Variants in ADGRF5 observed in about 807,000 individuals in gnomAD.
ADGRF5 encodes the protein G-protein coupled receptor 116.
ADGRF5 carries 75 observed loss-of-function variants against 132.3 expected under a neutral mutation model. The ratio of observed to expected loss-of-function variants is 0.57; its 90% CI spans 0.47 to 0.69. The LOEUF (loss-of-function observed/expected upper bound fraction) is 0.69, where lower values mean the gene tolerates loss of function less well. ADGRF5 is among the 30% of genes least tolerant of loss of function. The pLI, the probability that ADGRF5 is intolerant of heterozygous loss-of-function variation, is 0.00. For missense variants in ADGRF5, 1,516 were observed against 1,630.6 expected, an observed-to-expected ratio of 0.93 and a Z score of 1.21; for synonymous variants, 629 against 597.6, an observed-to-expected ratio of 1.05 and a Z score of -0.77.
At chr6:46,908,569 A>G (rs1463347630) in intron 1 of ADGRF5, among the ~76,000 whole-genome samples, 10 of 152,156 alleles carry the variant, frequency 6.6e-5, no homozygotes, top group African/African-American at 2.4e-4. Context: ...TTGGCATTGC[A>G]TCCTTTTTTT....
chr6:46,876,229 C>T (rs1386625079), intron 10 of ADGRF5, among the ~76,000 whole-genome samples: 1 of 152,206 alleles, frequency 6.6e-6, no homozygotes, highest in Non-Finnish European at 1.5e-5. Context: ...CGGTGCAGGT[C>T]CCCAGGCTGC....
chr6:46,877,810 G>A (rs549969492), intron 10 of ADGRF5, among the ~76,000 whole-genome samples: 12 of 152,304 alleles, frequency 7.9e-5, no homozygotes, highest in South Asian at 6.2e-4. Flanking sequence ...AAGAGACACA[G>A]AAAGGAGAAG....
intron 1 of ADGRF5, among the ~76,000 whole-genome samples, chr6:46,932,361 T>A (rs1777591620): frequency 6.6e-6 from 1 of 152,210 alleles, no homozygotes; most frequent in Admixed American, 6.5e-5. Flanking sequence ...TTAGTACTTT[T>A]AAAATAAGTA....
At chr6:46,951,677 G>A (rs1778504694) in intron 1 of ADGRF5, among the ~76,000 whole-genome samples, 1 of 152,166 alleles carries the variant, frequency 6.6e-6, no homozygotes. Flanking sequence ...TTTCCTGGCT[G>A]CTTTCCTAAA....
chr6:46,926,215 C>G (rs1024320051), upstream of ADGRF5, among the ~76,000 whole-genome samples: 4 of 152,172 alleles, frequency 2.6e-5, no homozygotes, highest in African/African-American at 9.7e-5. Flanking sequence ...CCCATTCCAC[C>G]AATAGACAGT....
At chr6:46,900,580 C>A (rs1774654731) in intron 2 of ADGRF5, among the ~76,000 whole-genome samples, 1 of 152,064 alleles carries the variant, frequency 6.6e-6, no homozygotes, top group South Asian at 2.1e-4. Flanking sequence ...GATCCTTTTT[C>A]TCCTGGATGG....
intron 15 of ADGRF5, 87 bp from the exon 16 acceptor site, chr6:46,860,981 C>T: frequency 9.9e-7 from 1 of 1,013,496 alleles, no homozygotes; most frequent in African/African-American, 1.6e-5. Context: ...CAAAATCTCT[C>T]ACATCCGTTG....
intron 3 of ADGRF5, 114 bp downstream of exon 3, chr6:46,899,915 T>C (rs1774575047): frequency 1.3e-6 from 1 of 758,944 alleles, no homozygotes; most frequent in South Asian, 1.5e-5. Flanking sequence ...CTGCACTATA[T>C]GACCCTGATG....
intron 1 of ADGRF5, among the ~76,000 whole-genome samples, chr6:46,953,649 G>GTATATATATATATA (rs1408461844): frequency 7.7e-5 from 7 of 91,490 alleles, no homozygotes; most frequent in African/African-American, 3.2e-4. Context: ...ATAGATATAT[G>GTATATATATATATA]TGTATATATA....
In ADGRF5 at chr6:46,888,396, A is replaced by G; in HGVS notation, c.267T>C (p.Phe89=). 6.2e-7 allele frequency: 1 copy of G among 1,612,380 alleles called. No individual in the cohort carries two copies. Among genetic ancestry groups the G allele is most frequent in the East Asian group, 2.2e-5 (1 of 44,860 alleles). The part of the protein sequence containing the change: ...PIKAYLNSLS[F]PIHGNNTDQI... The stretch of plus-strand genomic sequence containing the variant: ...GGTCAGTGTTATTCCCATGAATTGG[A>G]AAACTGAGGCTGTTCAAGTAGGCTT... Residue 89 remains phenylalanine, a synonymous_variant, in exon 4 of 21, where the codon TTT becomes TTC. Coordinates refer to ENST00000283296, the MANE Select transcript of ADGRF5 (RefSeq NM_001098518.2).
At position 46,881,559 on chromosome 6, in the gene ADGRF5, G is replaced by A. The variant is rs942667941; in HGVS notation, c.710C>T (p.Thr237Ile). The A allele has an allele frequency of 3.1e-6, 5 of 1,613,558 alleles. No individual in the cohort carries two copies. Among genetic ancestry groups the A allele is most frequent in the African/African-American group, 2.7e-5 (2 of 74,922 alleles). ...SVVVTYEVKT[T>I]PPSLELIHKA... ...ATGTATTAACTCAAGTGATGGTGGTGTAGTCTTGACTTCATATGTCACAAC... is the reference window on the plus strand; with the variant it reads ...ATGTATTAACTCAAGTGATGGTGGTATAGTCTTGACTTCATATGTCACAAC... The change falls in exon 8 of 21, where the codon ACA becomes ATA. Residue 237 changes from threonine (T) to isoleucine (I), a missense_variant. Transcript: ENST00000283296.
At chr6:46,880,470 C>T (rs145207707) in intron 8 of ADGRF5, among the ~76,000 whole-genome samples, 119 of 152,200 alleles carry the variant, frequency 7.8e-4, no homozygotes, top group African/African-American at 2.8e-3. Flanking sequence ...TGACCTAAGT[C>T]TTGAAGGATT....
chr6:46,933,839 A>C (rs556232045), intron 1 of ADGRF5, among the ~76,000 whole-genome samples: 1 of 152,282 alleles, frequency 6.6e-6, no homozygotes, highest in Middle Eastern at 3.4e-3. Context: ...CCACTAAACT[A>C]TTTTTGGATC....
intron 1 of ADGRF5, among the ~76,000 whole-genome samples, chr6:46,947,476 G>C (rs998725447): frequency 6.6e-6 from 1 of 152,148 alleles, no homozygotes; most frequent in Admixed American, 6.5e-5. Flanking sequence ...GCACATCTGC[G>C]GGTGCACACC....
chr6:46,908,157 G>T (rs540199386), intron 1 of ADGRF5: 2 of 152,262 alleles, frequency 1.3e-5, no homozygotes, highest in Admixed American at 1.3e-4. Flanking sequence ...TGCAAATTTG[G>T]CAATCAAACA....
intron 1 of ADGRF5, among the ~76,000 whole-genome samples, chr6:46,914,578 CA>C (rs1353882568): frequency 6.6e-6 from 1 of 152,122 alleles, no homozygotes; most frequent in Non-Finnish European, 1.5e-5. Flanking sequence ...TCAAGTTTTC[CA>C]AAACACACTG....
chr6:46,936,532 ATC>A (rs1418976666), intron 1 of ADGRF5, among the ~76,000 whole-genome samples: 1 of 152,172 alleles, frequency 6.6e-6, no homozygotes, highest in Non-Finnish European at 1.5e-5. Flanking sequence ...ATCTTTCGAC[ATC>A]TCTCTCTTTC....
Position 46,856,888 on chromosome 6 carries a change from A to G in ADGRF5, c.3795T>C (p.Phe1265=). 2 of 1,609,786 alleles carry G rather than the reference A, an allele frequency of 1.2e-6. No homozygotes were observed. Among genetic ancestry groups the G allele is most frequent in the East Asian group, 4.5e-5 (2 of 44,836 alleles). The stretch of plus-strand genomic sequence containing the variant: ...TTACCTTCAGATCCCAGAGGCATCC[A>G]AAGAGTAAAATGAATAATCCCTGAG... The part of the protein sequence containing the change: ...NVFQGLFILL[F]GCLWDLKVQE... Residue 1265 remains phenylalanine (F), a synonymous_variant, in exon 18 of 21, where the codon TTT becomes TTC. Transcript: ENST00000283296.
intron 1 of ADGRF5, among the ~76,000 whole-genome samples, chr6:46,916,880 C>T (rs1333738432): frequency 6.6e-6 from 1 of 152,230 alleles, no homozygotes; most frequent in East Asian, 1.9e-4. Flanking sequence ...ATTGTACCTT[C>T]TTTTGTCATA....
Sources: gnomAD v4.1 joint callset for allele counts (sites outside exome capture counted in the v4.1 genomes callset) on GRCh38, gnomAD v4.1.1 for gene constraint, MANE v1.5 for transcripts, NCBI Gene and HGNC (gene_info 2026-07-23, HGNC 2026-07-21) for gene names.